Variants in KCNN2 observed in about 807,000 individuals in gnomAD.
KCNN2 encodes the protein potassium calcium-activated channel subfamily N member 2, also known as small conductance calcium-activated potassium channel protein 2.
A neutral mutation model predicts 55.5 loss-of-function variants in KCNN2; 24 were observed. The observed-to-expected ratio is 0.43, with a 90% confidence interval of 0.31 to 0.61. KCNN2 has a LOEUF of 0.61. Among genes scored for constraint, KCNN2 ranks in the 20% least tolerant of loss-of-function variants. The pLI, the probability that KCNN2 is intolerant of heterozygous loss-of-function variation, is 0.08. For synonymous variants in KCNN2, 431 were observed against 336.1 expected (o/e 1.28, Z -3.09); for missense variants, 754 against 853.6 (o/e 0.88, Z 1.45).
intron 1 of KCNN2, among the ~76,000 whole-genome samples, chr5:114,117,140 A>G (rs1751722574): frequency 6.6e-6 from 1 of 152,190 alleles, no homozygotes; most frequent in Non-Finnish European, 1.5e-5. Context: ...AGATCAAGAC[A>G]TGACTAAGCA....
At chr5:114,474,343 T>A (rs1395935810) in intron 5 of KCNN2, among the ~76,000 whole-genome samples, 1 of 152,174 alleles carries the variant, frequency 6.6e-6, no homozygotes, top group East Asian at 1.9e-4. Flanking sequence ...TTCATTGCAG[T>A]TAGTAGGTCC....
intron 1 of KCNN2, among the ~76,000 whole-genome samples, chr5:114,206,553 T>G (rs1295455593): frequency 6.6e-6 from 1 of 152,142 alleles, no homozygotes; most frequent in Non-Finnish European, 1.5e-5. Context: ...CCCTGTGAAT[T>G]TCTCTCAAAT....
chr5:114,292,678 C>G (rs1286632491), intron 2 of KCNN2, among the ~76,000 whole-genome samples: 1 of 152,084 alleles, frequency 6.6e-6, no homozygotes, highest in Non-Finnish European at 1.5e-5. Flanking sequence ...GACGCGGGCT[C>G]TTTTTTGGTT....
At chr5:114,174,675 G>T (rs1753102827) in intron 1 of KCNN2, among the ~76,000 whole-genome samples, 1 of 152,146 alleles carries the variant, frequency 6.6e-6, no homozygotes, top group Non-Finnish European at 1.5e-5. Flanking sequence ...GCATACCCTT[G>T]TAGGTGAATT....
At chr5:114,404,938 A>G (rs780235473) in intron 3 of KCNN2, 82 bp downstream of exon 3, 97 of 1,225,102 alleles carry the variant, frequency 7.9e-5, no homozygotes, top group Non-Finnish European at 1.0e-4. Context: ...TAGACTTGAG[A>G]CGTGTAGTGT....
chr5:114,411,313 A>G (rs1030272004), intron 3 of KCNN2, among the ~76,000 whole-genome samples: 56 of 152,276 alleles, frequency 3.7e-4, no homozygotes, highest in African/African-American at 1.3e-3. Flanking sequence ...TTATTATTAT[A>G]TAGTCTGTTA....
chr5:114,190,001 ATATCTT>A (rs1252148850), intron 1 of KCNN2, among the ~76,000 whole-genome samples: 1 of 152,172 alleles, frequency 6.6e-6, no homozygotes, highest in Non-Finnish European at 1.5e-5. Flanking sequence ...ATGTAGAAGA[ATATCTT>A]TATAACATCA....
chr5:114,113,043 T>C (rs942686098), intron 1 of KCNN2, among the ~76,000 whole-genome samples: 1 of 152,046 alleles, frequency 6.6e-6, no homozygotes, highest in Admixed American at 6.6e-5. Flanking sequence ...TGGGTAGTGA[T>C]TCAGACAGGA....
intron 1 of KCNN2, among the ~76,000 whole-genome samples, chr5:114,060,487 G>T (rs143098035): frequency 6.6e-6 from 1 of 152,322 alleles, no homozygotes; most frequent in African/African-American, 2.4e-5. Flanking sequence ...GAGGGAAAAT[G>T]AAGAATTTTT....
chr5:114,355,950 C>A (rs1424934563), intron 2 of KCNN2, among the ~76,000 whole-genome samples: 1 of 152,074 alleles, frequency 6.6e-6, no homozygotes, highest in African/African-American at 2.4e-5. Flanking sequence ...TATATCCTCA[C>A]AAATTATTCT....
intron 2 of KCNN2, among the ~76,000 whole-genome samples, chr5:114,323,744 T>C (rs1205673705): frequency 6.8e-6 from 1 of 146,716 alleles, no homozygotes; most frequent in Non-Finnish European, 1.5e-5. Context: ...AACCTCCGTC[T>C]GCCCGGTTCA....
At chr5:114,345,570 T>C (rs1757090647) in intron 2 of KCNN2, among the ~76,000 whole-genome samples, 1 of 152,094 alleles carries the variant, frequency 6.6e-6, no homozygotes, top group African/African-American at 2.4e-5. Context: ...AGAACAACAC[T>C]GAAAGAGTTG....
intron 2 of KCNN2, among the ~76,000 whole-genome samples, chr5:114,342,041 A>G (rs1258491840): frequency 2.0e-5 from 3 of 151,872 alleles, no homozygotes; most frequent in Non-Finnish European, 2.9e-5. Flanking sequence ...AGCTGGGACT[A>G]CAGGCACCCG....
intron 2 of KCNN2, among the ~76,000 whole-genome samples, chr5:114,320,384 C>T (rs1046996967): frequency 4.6e-5 from 7 of 151,974 alleles, no homozygotes; most frequent in East Asian, 3.9e-4. Flanking sequence ...GAGGCTGAGG[C>T]GGGCGGATCA....
At chr5:114,469,291 A>ATCT (rs1180415834) in intron 4 of KCNN2, among the ~76,000 whole-genome samples, 1 of 152,098 alleles carries the variant, frequency 6.6e-6, no homozygotes, top group African/African-American at 2.4e-5. Flanking sequence ...CTCTTTCACC[A>ATCT]TCTTCTCTGT....
intron 2 of KCNN2, among the ~76,000 whole-genome samples, chr5:114,262,167 G>A (rs1283035436): frequency 6.6e-6 from 1 of 152,124 alleles, no homozygotes; most frequent in African/African-American, 2.4e-5. Flanking sequence ...TCGTTTCTAT[G>A]TTTATCTCTA....
chr5:114,201,708 C>G (rs1444694972), intron 1 of KCNN2, among the ~76,000 whole-genome samples: 3 of 152,170 alleles, frequency 2.0e-5, no homozygotes, highest in South Asian at 2.1e-4. Flanking sequence ...GGCGGGGTCC[C>G]TCTCAGGCAA....
intron 1 of KCNN2, among the ~76,000 whole-genome samples, chr5:114,089,602 C>T (rs1580501907): frequency 1.3e-5 from 2 of 152,134 alleles, no homozygotes; most frequent in East Asian, 3.9e-4. Flanking sequence ...TTCCAAATTG[C>T]CAATTCCAGC....
intron 7 of KCNN2, among the ~76,000 whole-genome samples, chr5:114,495,175 A>T (rs542368586): frequency 6.6e-6 from 1 of 152,246 alleles, no homozygotes; most frequent in East Asian, 1.9e-4. Context: ...TCCTGTTTTA[A>T]CCACTTAGCT....
Sources: allele counts gnomAD v4.1 joint callset (sites outside exome capture counted in the v4.1 genomes callset), GRCh38; gene constraint gnomAD v4.1.1; transcripts MANE v1.5; gene names NCBI Gene and HGNC (gene_info 2026-07-23, HGNC 2026-07-21).